The following CELF1 variants were observed in gnomAD, a reference collection of about 807,000 sequenced individuals.
The protein encoded by CELF1 is CUGBP Elav-like family member 1.
Under a neutral mutation model 61.8 loss-of-function variants are expected in CELF1, and 10 were observed. That is an observed-to-expected ratio of 0.16 (90% CI 0.10 to 0.27). The LOEUF is 0.27. Ranked by LOEUF, CELF1 falls within the 10% of genes least tolerant of loss-of-function variation. The pLI is 1.00. For missense variants in CELF1, 380 were observed against 639.1 expected (o/e 0.59, Z 4.37); for synonymous variants, 236 against 225.1 (o/e 1.05, Z -0.43).
At chr11:47,481,524 C>CT (rs1246835726) in intron 9 of CELF1, among the ~76,000 whole-genome samples, 2 of 152,144 alleles carry the variant, frequency 1.3e-5, no homozygotes, top group Non-Finnish European at 2.9e-5. Context: ...TGCCTTTTGT[C>CT]TGTTTCCATA....
chr11:47,518,671 C>T (rs1288360676), intron 1 of CELF1, among the ~76,000 whole-genome samples: 2 of 152,180 alleles, frequency 1.3e-5, no homozygotes, highest in Admixed American at 6.5e-5. Flanking sequence ...TCCAACTCTG[C>T]ATCTCCCCTG....
chr11:47,545,917 T>TATA (rs1565909148), intron 1 of CELF1, among the ~76,000 whole-genome samples: 38 of 91,842 alleles, frequency 4.1e-4, no homozygotes, highest in African/African-American at 1.9e-3. Flanking sequence ...ATATATATAT[T>TATA]TTTTTTTTTT....
In CELF1 at chr11:47,484,515, C is replaced by T; in HGVS notation, c.400G>A (p.Asp134Asn). 1 of 1,610,458 alleles carries T rather than the reference C, an allele frequency of 6.2e-7. No homozygotes were observed. Among genetic ancestry groups the T allele is most frequent in the East Asian group, 2.2e-5 (1 of 44,858 alleles). ...ATCATACCAATAAACAGCTTCCTGT[C>T]TTCCACTGCTAAGAGAGTAAAACAG... The part of the protein sequence containing the change: ...ADSEKNNAVE[D>N]RKLFIGMISK... Residue 134 changes from aspartate (D) to asparagine (N), a missense_variant, in exon 7 of 15, where the codon GAC becomes AAC. Coordinates refer to ENST00000687097, the MANE Select transcript of CELF1 (RefSeq NM_001376376.1).
upstream of CELF1, among the ~76,000 whole-genome samples, chr11:47,555,967 T>C (rs1356433112): frequency 2.3e-5 from 3 of 133,252 alleles, no homozygotes; most frequent in Non-Finnish European, 4.6e-5. Flanking sequence ...ACCACTGCAC[T>C]CCAGCCTGGG....
rs2097183796 is a variant in CELF1, at chr11:47,553,021, T to C, written c.-183A>G. On this transcript the variant is annotated 5_prime_UTR_variant, in exon 1 of 15. Coordinates refer to ENST00000687097, the MANE Select transcript of CELF1 (RefSeq NM_001376376.1). The stretch of plus-strand genomic sequence containing the variant: ...GGCTGCACCTGAGCCTGCCGCTGCC[T>C]CAGTTGCTGCCTGCGCCTCCGCAGC... 1 of 398,056 alleles carries C rather than the reference T, an allele frequency of 2.5e-6. No homozygotes were observed. The highest frequency in any genetic ancestry group is 4.4e-6 in the Non-Finnish European group (1 of 225,766). 24.7% of individuals were successfully genotyped at this position (398,056 alleles called of 1,614,324 possible).
At chr11:47,472,508 A>T in intron 14 of CELF1, 151 bp from the exon 15 acceptor site, 1 of 835,046 alleles carries the variant, frequency 1.2e-6, no homozygotes, top group South Asian at 1.7e-5. Context: ...ATACGAAATA[A>T]ATTAGGTTCT....
At chr11:47,490,865 CT>C (rs753432504) in intron 3 of CELF1, among the ~76,000 whole-genome samples, 427 of 141,142 alleles carry the variant, frequency 3.0e-3, no homozygotes, top group Middle Eastern at 3.8e-3. Context: ...TATTTTCTTT[CT>C]TTTTTTTTTT....
intron 1 of CELF1, chr11:47,564,605 T>G (rs112537407): frequency 2.6e-5 from 4 of 152,148 alleles, no homozygotes; most frequent in Non-Finnish European, 5.9e-5. Flanking sequence ...CCAGCCTGGC[T>G]GACAAGGTGA....
chr11:47,496,461 T>C lies in CELF1; in HGVS notation c.71+2992A>G, dbSNP rs187747297. ...TAGGGCTCTGTAAGACTGAGCAATATGTGCCCTTGAGGCAATGTCACTGAA... is the reference window on the plus strand; with the variant it reads ...TAGGGCTCTGTAAGACTGAGCAATACGTGCCCTTGAGGCAATGTCACTGAA... On this transcript the variant is annotated intron_variant, in intron 3 of 14. Transcript: ENST00000687097. Among the ~76,000 whole-genome samples the C allele has an allele frequency of 9.8e-5, 15 of 152,342 alleles. 1 individual carries two copies. The East Asian group carries it at 2.9e-3, about 29-fold the overall frequency.
chr11:47,477,243 A>G, intron 11 of CELF1, 54 bp downstream of exon 11: 1 of 1,596,914 alleles, frequency 6.3e-7, no homozygotes, highest in Non-Finnish European at 8.6e-7. Context: ...GCCTTTAAAC[A>G]CAAAGCATCT....
chr11:47,520,834 A>T (rs2095849746), intron 1 of CELF1, among the ~76,000 whole-genome samples: 3 of 152,084 alleles, frequency 2.0e-5, no homozygotes, highest in African/African-American at 7.2e-5. Flanking sequence ...GACCCAAAAA[A>T]GGCTAAAATT....
chr11:47,527,261 C>T (rs2096278738), intron 1 of CELF1, among the ~76,000 whole-genome samples: 1 of 152,024 alleles, frequency 6.6e-6, no homozygotes, highest in Non-Finnish European at 1.5e-5. Flanking sequence ...CATGGTGGCA[C>T]GTGCCTGTAG....
intron 1 of CELF1, among the ~76,000 whole-genome samples, chr11:47,536,508 C>G (rs2096633287): frequency 6.6e-6 from 1 of 152,074 alleles, no homozygotes; most frequent in African/African-American, 2.4e-5. Flanking sequence ...CCTGTAATCT[C>G]AGCACTTTGG....
intron 1 of CELF1, among the ~76,000 whole-genome samples, chr11:47,528,227 G>A (rs1198885630): frequency 6.6e-6 from 1 of 151,716 alleles, no homozygotes; most frequent in African/African-American, 2.4e-5. Context: ...CCTTTGATAT[G>A]TCAGTTCTCC....
At chr11:47,514,874 T>TA (rs1476684946) in intron 1 of CELF1, 1 of 152,068 alleles carries the variant, frequency 6.6e-6, no homozygotes, top group African/African-American at 2.4e-5. Context: ...TAAAATAATT[T>TA]AAAAAATCTC....
upstream of CELF1, chr11:47,557,502 C>G (rs530254186): frequency 8.6e-4 from 9 of 10,480 alleles, no homozygotes; most frequent in East Asian, 0.02. Context: ...CAGGGGTGAG[C>G]CATCACGCCC....
chr11:47,481,877 C>G (rs546629270), intron 9 of CELF1, among the ~76,000 whole-genome samples: 2 of 152,152 alleles, frequency 1.3e-5, no homozygotes, highest in Non-Finnish European at 2.9e-5. Context: ...GAATATACAC[C>G]TGTAATGCTC....
intron 9 of CELF1, among the ~76,000 whole-genome samples, chr11:47,481,085 T>G (rs1357199108): frequency 7.3e-5 from 8 of 109,166 alleles, no homozygotes; most frequent in South Asian, 7.5e-4. Flanking sequence ...ACTGGGGTTT[T>G]TTTTTTTTTT....
At chr11:47,550,782 C>G (rs774923687) in intron 1 of CELF1, among the ~76,000 whole-genome samples, 1 of 151,938 alleles carries the variant, frequency 6.6e-6, no homozygotes, top group Non-Finnish European at 1.5e-5. Flanking sequence ...ACTTCACTGT[C>G]TGCCTATTAC....
Sources: allele counts gnomAD v4.1 joint callset (sites outside exome capture counted in the v4.1 genomes callset), GRCh38; gene constraint gnomAD v4.1.1; transcripts MANE v1.5; gene names NCBI Gene and HGNC (gene_info 2026-07-23, HGNC 2026-07-21).